Variants in DLGAP2 observed in about 807,000 individuals in gnomAD.
The protein encoded by DLGAP2 is disks large-associated protein 2.
In DLGAP2, 26 loss-of-function variants were observed where a neutral mutation model predicts 100.3. The ratio of observed to expected loss-of-function variants is 0.26; its 90% confidence interval spans 0.19 to 0.36. The LOEUF is 0.36. Ranked by LOEUF, DLGAP2 falls within the 10% of genes least tolerant of loss-of-function variation. The probability of loss-of-function intolerance (pLI) is 1.00; values close to 1 mark genes in which losing one functional copy is unlikely to be tolerated. For missense variants in DLGAP2, 1,858 were observed against 1,453.2 expected, an observed-to-expected ratio of 1.28 and a Z score of -4.53; for synonymous variants, 886 against 630.1, an observed-to-expected ratio of 1.41 and a Z score of -6.08.
At chr8:1,417,911 T>G (rs1157877352) in intron 3 of DLGAP2, among the ~76,000 whole-genome samples, 1 of 152,126 alleles carries the variant, frequency 6.6e-6, no homozygotes, top group African/African-American at 2.4e-5. Flanking sequence ...TTTGCTCTGA[T>G]AAAATATTAC....
intron 2 of DLGAP2, among the ~76,000 whole-genome samples, chr8:1,116,597 A>C (rs2129046779): frequency 6.6e-6 from 1 of 152,214 alleles, no homozygotes; most frequent in Non-Finnish European, 1.5e-5. Context: ...GGCATTTGAG[A>C]CCAGCCTGGG....
rs573874473 is a variant in DLGAP2 at position 878,998 on chromosome 8, T to G, written c.19-28914T>G. Reference sequence around the variant, plus strand: ...TAGAGTCCTGGGACTGATGGTACTCTGGTCTGGGCTCAATGAAGGAGCCTA... The same window carrying G: ...TAGAGTCCTGGGACTGATGGTACTCGGGTCTGGGCTCAATGAAGGAGCCTA... On this transcript the variant is annotated intron_variant, in intron 1 of 14. Transcript: ENST00000637795. 1.7e-3 allele frequency among the ~76,000 whole-genome samples: 263 copies of G among 152,364 alleles called. 1 individual carries two copies. Among genetic ancestry groups the G allele is most frequent in the African/African-American group, 6.1e-3 (255 of 41,584 alleles).
chr8:1,077,446 A>G (rs1444027591), intron 2 of DLGAP2, among the ~76,000 whole-genome samples: 1 of 152,166 alleles, frequency 6.6e-6, no homozygotes, highest in Non-Finnish European at 1.5e-5. Flanking sequence ...CTCAGCTTCT[A>G]AAGTGAGTCA....
chr8:1,672,520 G>A (rs529422393), intron 10 of DLGAP2, among the ~76,000 whole-genome samples: 232 of 152,306 alleles, frequency 1.5e-3, no homozygotes, highest in African/African-American at 5.2e-3. Context: ...GAGCCTCCAT[G>A]CCCAGCCAAG....
intron 4 of DLGAP2, among the ~76,000 whole-genome samples, chr8:1,502,281 C>G (rs540185488): frequency 1.3e-5 from 2 of 152,316 alleles, no homozygotes; most frequent in South Asian, 2.1e-4. Context: ...ATCATAAGTT[C>G]AATTTATATT....
At chr8:1,020,641 G>T (rs75540513) in intron 2 of DLGAP2, among the ~76,000 whole-genome samples, 244 of 152,308 alleles carry the variant, frequency 1.6e-3, no homozygotes, top group Non-Finnish European at 3.1e-3. Context: ...AGCACACTGG[G>T]ACCTGTGAGC....
At chr8:1,257,536 C>G (rs1330568163) in intron 2 of DLGAP2, among the ~76,000 whole-genome samples, 1 of 146,188 alleles carries the variant, frequency 6.8e-6, no homozygotes, top group Admixed American at 6.8e-5. Context: ...CCCCAGATTA[C>G]TATTTAACAT....
intron 2 of DLGAP2, among the ~76,000 whole-genome samples, chr8:950,974 C>G (rs374011316): frequency 9.2e-5 from 14 of 152,208 alleles, no homozygotes; most frequent in African/African-American, 3.4e-4. Flanking sequence ...GAAAAATTCA[C>G]CTGTATCTCC....
At chr8:1,172,037 A>G (rs1797139991) in intron 2 of DLGAP2, among the ~76,000 whole-genome samples, 1 of 151,794 alleles carries the variant, frequency 6.6e-6, no homozygotes, top group African/African-American at 2.4e-5. Flanking sequence ...GTTCCTTTTC[A>G]TGTTTAGTGC....
intron 3 of DLGAP2, among the ~76,000 whole-genome samples, chr8:1,471,465 C>T (rs2130200546): frequency 6.6e-6 from 1 of 152,062 alleles, no homozygotes; most frequent in East Asian, 1.9e-4. Context: ...ACATCCCCAG[C>T]CTCCTCACCT....
chr8:967,241 C>A (rs921460584), intron 2 of DLGAP2, among the ~76,000 whole-genome samples: 1 of 152,170 alleles, frequency 6.6e-6, no homozygotes, highest in Non-Finnish European at 1.5e-5. Context: ...AGATTCTTTC[C>A]CCATGTTAGT....
chr8:947,190 G>C (rs563801586), intron 2 of DLGAP2, among the ~76,000 whole-genome samples: 71 of 152,310 alleles, frequency 4.7e-4, no homozygotes, highest in African/African-American at 1.6e-3. Flanking sequence ...CTTACTGTAA[G>C]AACAACCCAG....
chr8:985,598 T>G (rs180937080), intron 2 of DLGAP2, among the ~76,000 whole-genome samples: 136 of 152,308 alleles, frequency 8.9e-4, no homozygotes, highest in East Asian at 3.3e-3. Flanking sequence ...AATCAAATCA[T>G]GTAGGAGGTT....
rs568518591 is a variant in DLGAP2 at position 1,147,226 on chromosome 8, T to C, written c.74-111625T>C. Among the ~76,000 whole-genome samples the C allele has an allele frequency of 1.8e-4, 27 of 152,346 alleles. No homozygotes were observed. In the South Asian group the frequency reaches 5.0e-3, roughly 28 times the overall value. ...TTAGATTTATCATAGGTATTCGATA[T>C]TTCCTCATGCTATTGTAAACTTTAT... On this transcript the variant is annotated intron_variant, in intron 2 of 14. Coordinates refer to ENST00000637795, the MANE Select transcript of DLGAP2 (RefSeq NM_001346810.2).
At chr8:1,275,816 TAATATATAAAAATA>T (rs1356339778) in intron 3 of DLGAP2, among the ~76,000 whole-genome samples, 1 of 122,930 alleles carries the variant, frequency 8.1e-6, no homozygotes, top group Non-Finnish European at 1.6e-5. Flanking sequence ...ATAAGATATA[TAATATATAAAAATA>T]AATATATAAT....
intron 1 of DLGAP2, among the ~76,000 whole-genome samples, chr8:813,291 T>C (rs1796405555): frequency 6.6e-6 from 1 of 152,008 alleles, no homozygotes; most frequent in Non-Finnish European, 1.5e-5. Context: ...TGCTGAGACA[T>C]TTTGGGATTG....
intron 1 of DLGAP2, among the ~76,000 whole-genome samples, chr8:791,701 A>G (rs1190968552): frequency 6.6e-6 from 1 of 152,206 alleles, no homozygotes; most frequent in Non-Finnish European, 1.5e-5. Context: ...AATTCCTTTA[A>G]AAAACTTTTT....
chr8:1,079,090 T>C (rs7822955), intron 2 of DLGAP2, among the ~76,000 whole-genome samples: 65,637 of 152,038 alleles, frequency 0.43, 14,767 homozygotes, highest in African/African-American at 0.55. Flanking sequence ...TAGCTTGTGG[T>C]CATCTGAGCA....
At chr8:1,432,380 A>G (rs1797477528) in intron 3 of DLGAP2, among the ~76,000 whole-genome samples, 2 of 152,250 alleles carry the variant, frequency 1.3e-5, no homozygotes, top group Non-Finnish European at 2.9e-5. Context: ...TGAAACATCC[A>G]CTTAACTGAA....
Sources: allele counts gnomAD v4.1 joint callset (sites outside exome capture counted in the v4.1 genomes callset), GRCh38; gene constraint gnomAD v4.1.1; transcripts MANE v1.5; gene names NCBI Gene and HGNC (gene_info 2026-07-23, HGNC 2026-07-21).